PLOD2: variants seen among roughly 807,000 people sequenced by gnomAD.
PLOD2 encodes the protein procollagen-lysine,2-oxoglutarate 5-dioxygenase 2.
In PLOD2, 65 loss-of-function variants were observed where a neutral mutation model predicts 101.0. The observed-to-expected ratio is 0.64, with a 90% CI of 0.53 to 0.79. The LOEUF (loss-of-function observed/expected upper bound fraction) is 0.79, where lower values mean the gene tolerates loss of function less well. PLOD2 is among the 30% of genes least tolerant of loss of function. The probability of loss-of-function intolerance (pLI) is 0.00; values close to 1 mark genes in which losing one functional copy is unlikely to be tolerated. For synonymous variants in PLOD2, 314 were observed against 302.9 expected, an observed-to-expected ratio of 1.04 and a Z score of -0.38; for missense variants, 909 against 914.6, an observed-to-expected ratio of 0.99 and a Z score of 0.08.
At chr3:146,130,282 G>A (rs144152376) in intron 1 of PLOD2, among the ~76,000 whole-genome samples, 144 of 152,244 alleles carry the variant, frequency 9.5e-4, no homozygotes, top group African/African-American at 3.3e-3. Context: ...TTTCCTTAGA[G>A]AGACCCTCTC....
chr3:146,099,403 A>G (rs1937308575), intron 7 of PLOD2, among the ~76,000 whole-genome samples: 1 of 152,062 alleles, frequency 6.6e-6, no homozygotes, highest in Non-Finnish European at 1.5e-5. Flanking sequence ...CCTCAAAGAC[A>G]TTTAAATTTT....
At chr3:146,156,092 G>C (rs1213782416) in intron 1 of PLOD2, among the ~76,000 whole-genome samples, 1 of 152,172 alleles carries the variant, frequency 6.6e-6, no homozygotes, top group African/African-American at 2.4e-5. Context: ...AACATGTCTT[G>C]ATAGCTTCAA....
intron 1 of PLOD2, among the ~76,000 whole-genome samples, chr3:146,143,005 C>T (rs768629622): frequency 6.6e-5 from 10 of 152,086 alleles, no homozygotes; most frequent in Non-Finnish European, 1.3e-4. Flanking sequence ...CTTCAAGCAG[C>T]TCTGCTATTT....
chr3:146,119,008 T>G (rs1378839482), intron 3 of PLOD2, among the ~76,000 whole-genome samples: 2 of 152,148 alleles, frequency 1.3e-5, no homozygotes, highest in Non-Finnish European at 2.9e-5. Flanking sequence ...CCATAGTTGA[T>G]ATAATTTGAA....
In PLOD2 at chr3:146,161,068, C is replaced by T. The variant is rs2032559537; in HGVS notation, c.-79G>A. On this transcript the variant is annotated 5_prime_UTR_variant, in exon 1 of 20. Transcript: ENST00000282903. ...CGCTTCTCGCGAGAACGCAGAGACC[C>T]GGGTCCGCCCTGAGCCGCCGATTGC... 11 of 1,061,698 alleles carry T rather than the reference C, an allele frequency of 1.0e-5. No individual in the cohort carries two copies. In the Admixed American group the frequency reaches 1.3e-4, roughly 12 times the overall value. The allele number at this position is 1,061,698 out of a possible 1,614,324, so 65.8% of individuals were successfully genotyped here.
intron 1 of PLOD2, among the ~76,000 whole-genome samples, chr3:146,160,488 C>T (rs944637382): frequency 1.3e-5 from 2 of 152,142 alleles, no homozygotes; most frequent in Non-Finnish European, 2.9e-5. Flanking sequence ...ACACTAAGCC[C>T]CGTGTTTAGG....
intron 7 of PLOD2, among the ~76,000 whole-genome samples, chr3:146,096,177 G>C (rs1421863427): frequency 3.4e-5 from 5 of 146,318 alleles, no homozygotes; most frequent in South Asian, 2.2e-4. Flanking sequence ...ATGGAGTCTC[G>C]TTCACTCAGT....
chr3:146,073,396 C>A, intron 15 of PLOD2, 44 bp from the exon 16 acceptor site: 1 of 719,112 alleles, frequency 1.4e-6, no homozygotes, highest in Non-Finnish European at 2.4e-6. Flanking sequence ...TTTATAAATA[C>A]TTCACTGAAA....
chr3:146,074,129 T>A (rs1936246773), intron 15 of PLOD2, among the ~76,000 whole-genome samples: 1 of 151,516 alleles, frequency 6.6e-6, no homozygotes, highest in Non-Finnish European at 1.5e-5. Flanking sequence ...CACAAAGATA[T>A]CTCAACTTTT....
intron 1 of PLOD2, among the ~76,000 whole-genome samples, chr3:146,148,338 G>GCACACACACACACACGCACACA (rs1553742439): frequency 6.8e-6 from 1 of 146,448 alleles, no homozygotes; most frequent in African/African-American, 2.5e-5. Flanking sequence ...AGGCAGGCAC[G>GCACACACACACACACGCACACA]CACACACACA....
chr3:146,105,750 CTA>C (rs1937525553), intron 5 of PLOD2, among the ~76,000 whole-genome samples: 1 of 152,158 alleles, frequency 6.6e-6, no homozygotes, highest in South Asian at 2.1e-4. Flanking sequence ...ATGTCACAGA[CTA>C]TGTGGTCTCA....
chr3:146,152,345 G>A (rs2032096100), intron 1 of PLOD2, among the ~76,000 whole-genome samples: 1 of 152,004 alleles, frequency 6.6e-6, no homozygotes, highest in South Asian at 2.1e-4. Flanking sequence ...GCTTGAACCC[G>A]GGAGGCAGAG....
intron 11 of PLOD2, among the ~76,000 whole-genome samples, chr3:146,082,121 A>G (rs908019588): frequency 2.6e-5 from 4 of 152,196 alleles, no homozygotes; most frequent in Admixed American, 1.3e-4. Flanking sequence ...ATGCTAATGA[A>G]TACATAAAAA....
At position 146,133,171 on chromosome 3, in the gene PLOD2, G is replaced by A. The variant is rs548876966; in HGVS notation, c.110-8942C>T. On this transcript the variant is annotated intron_variant, in intron 1 of 19. Coordinates refer to ENST00000282903, the MANE Select transcript of PLOD2 (RefSeq NM_182943.3). ...GGCCTGGGCGACAGAGCAAGATTCC[G>A]TCTCAAAAAAATAAAAATAAAAGGC... is the stretch of plus-strand genomic sequence containing the variant. Among the ~76,000 whole-genome samples the A allele has an allele frequency of 2.8e-3, 430 of 152,150 alleles. 2 individuals carry two copies. Among genetic ancestry groups the A allele is most frequent in the African/African-American group, 9.7e-3 (404 of 41,514 alleles).
Position 146,104,311 on chromosome 3 carries a change from C to T in PLOD2, c.647G>A (p.Cys216Tyr). 4 of 1,590,364 alleles carry T rather than the reference C, an allele frequency of 2.5e-6. No individual in the cohort carries two copies. The highest frequency in any genetic ancestry group is 2.7e-5 in the African/African-American group (2 of 74,560). ...TCCATTTAAGGTCTGGAAAATTTTGCATTTGTGATCCAATGTGATGTTAAT... is the reference window on the plus strand; with the variant it reads ...TCCATTTAAGGTCTGGAAAATTTTGTATTTGTGATCCAATGTGATGTTAAT... ...EAINITLDHK[C>Y]KIFQTLNGAV... Residue 216 changes from cysteine to tyrosine, a missense_variant, in exon 6 of 20, where the codon TGC becomes TAC. Physicochemically the swap from Cys to Tyr is radical, Grantham distance 194. Coordinates refer to ENST00000282903, the MANE Select transcript of PLOD2 (RefSeq NM_182943.3).
At chr3:146,140,649 C>T (rs992946030) in intron 1 of PLOD2, among the ~76,000 whole-genome samples, 1 of 152,102 alleles carries the variant, frequency 6.6e-6, no homozygotes, top group African/African-American at 2.4e-5. Context: ...CTACTCTCTG[C>T]ATTTTTAGTC....
chr3:146,126,941 T>G (rs947500586), intron 1 of PLOD2, among the ~76,000 whole-genome samples: 6 of 152,148 alleles, frequency 3.9e-5, no homozygotes, highest in Non-Finnish European at 8.8e-5. Context: ...AAAACAAGAC[T>G]GGCCATATGT....
intron 1 of PLOD2, among the ~76,000 whole-genome samples, chr3:146,146,895 C>T (rs934518667): frequency 1.3e-5 from 2 of 152,064 alleles, no homozygotes; most frequent in African/African-American, 4.8e-5. Flanking sequence ...ATGGGTTCTT[C>T]GTTTGAATAG....
At position 146,085,177 on chromosome 3, in the gene PLOD2, T is replaced by C. The variant is rs150858012; in HGVS notation, c.1224A>G (p.Glu408=). ...TNPRTLKILI[E]QNRKIIAPLV... ...CGAATTTTAGAAAGTACCTGTTTTG[T>C]TCAATCAAAATTTTTAAAGTCCTTG... The change falls in exon 11 of 20, where the codon GAA becomes GAG. Residue 408 remains glutamate, a synonymous_variant. Coordinates refer to ENST00000282903, the MANE Select transcript of PLOD2 (RefSeq NM_182943.3). The C allele has an allele frequency of 6.8e-7, 1 of 1,463,392 alleles. No homozygotes were observed. Among genetic ancestry groups the C allele is most frequent in the Non-Finnish European group, 9.6e-7 (1 of 1,043,816 alleles). The allele number at this position is 1,463,392 out of a possible 1,614,324, so 90.7% of individuals were successfully genotyped here.
Sources: gnomAD v4.1 joint callset for allele counts (sites outside exome capture counted in the v4.1 genomes callset) on GRCh38, gnomAD v4.1.1 for gene constraint, MANE v1.5 for transcripts, NCBI Gene and HGNC (gene_info 2026-07-23, HGNC 2026-07-21) for gene names.